The following EHBP1 variants were observed in gnomAD, a reference collection of about 807,000 sequenced individuals.
EHBP1 encodes EH domain-binding protein 1.
In EHBP1, 55 loss-of-function variants were observed where a neutral mutation model predicts 144.0. That is an observed-to-expected ratio of 0.38 (90% CI 0.31 to 0.48). EHBP1 has a LOEUF of 0.48. EHBP1 is among the 20% of genes least tolerant of loss of function. The probability of loss-of-function intolerance (pLI) is 0.98; values close to 1 mark genes in which losing one functional copy is unlikely to be tolerated. For synonymous variants in EHBP1, 469 were observed against 472.7 expected (o/e 0.99, Z 0.10); for missense variants, 1,200 against 1,364.2 (o/e 0.88, Z 1.90).
At chr2:62,989,552 TCTC>T (rs1220030339) in intron 15 of EHBP1, among the ~76,000 whole-genome samples, 1 of 152,132 alleles carries the variant, frequency 6.6e-6, no homozygotes, top group Non-Finnish European at 1.5e-5. Flanking sequence ...TTTTAAAAAC[TCTC>T]CTCCTACTTA....
intron 3 of EHBP1, among the ~76,000 whole-genome samples, chr2:62,757,038 T>G (rs2040351518): frequency 6.6e-6 from 1 of 152,200 alleles, no homozygotes; most frequent in South Asian, 2.1e-4. Flanking sequence ...ACCTTTCTGT[T>G]TTCTGATGCT....
At position 62,979,184 on chromosome 2, in the gene EHBP1, T is replaced by A. The variant is rs781170229; in HGVS notation, c.2461-4T>A. 2.5e-6 allele frequency: 4 copies of A among 1,611,664 alleles called. No homozygotes were observed. The South Asian group carries it at 3.3e-5, about 13-fold the overall frequency. On this transcript the variant is annotated splice_region_variant and splice_polypyrimidine_tract_variant and intron_variant, in intron 14 of 22. Transcript: ENST00000431489. Reference sequence around the variant, plus strand: ...TGAGTTGGCAACTGTTCAATATATCTTAGCAGCAAGATGAAGAGCGACGTC... The same window carrying A: ...TGAGTTGGCAACTGTTCAATATATCATAGCAGCAAGATGAAGAGCGACGTC...
chr2:62,840,843 T>G lies in EHBP1; in HGVS notation c.634+9685T>G, dbSNP rs375502058. On this transcript the variant is annotated intron_variant, in intron 7 of 22. Coordinates refer to ENST00000431489, the MANE Select transcript of EHBP1 (RefSeq NM_001142616.3). Reference sequence around the variant, plus strand: ...ATCATTAAAAAGTCAGGAAACAACATGTGCTGGAGAGGATGTGGAGAAATA... The same window carrying G: ...ATCATTAAAAAGTCAGGAAACAACAGGTGCTGGAGAGGATGTGGAGAAATA... Among the ~76,000 whole-genome samples, 1,139 of 151,768 alleles carry G rather than the reference T, an allele frequency of 7.5e-3. 9 individuals carry two copies. Among genetic ancestry groups the G allele is most frequent in the Middle Eastern group, 0.021 (6 of 292 alleles).
chr2:62,729,365 TATA>T (rs1446665724), intron 2 of EHBP1, among the ~76,000 whole-genome samples: 2 of 124,928 alleles, frequency 1.6e-5, no homozygotes, highest in African/African-American at 3.0e-5. Context: ...ATAAATATAA[TATA>T]ATATAATAAT....
Position 62,968,515 on chromosome 2 carries a change from A to C in EHBP1, c.2461-10673A>C, listed in dbSNP as rs1420017. On this transcript the variant is annotated intron_variant, in intron 14 of 22. Coordinates refer to ENST00000431489, the MANE Select transcript of EHBP1 (RefSeq NM_001142616.3). The stretch of plus-strand genomic sequence containing the variant: ...TTCTAGTGAAAAATATCACAATATA[A>C]AACAGTAATTTTTTTTAATATGATA... Among the ~76,000 whole-genome samples the C allele has an allele frequency of 2.6e-5, 4 of 152,278 alleles. No individual in the cohort carries two copies. The East Asian group carries it at 7.7e-4, about 29-fold the overall frequency.
chr2:62,847,074 T>G (rs560423006), intron 7 of EHBP1, among the ~76,000 whole-genome samples: 8 of 152,170 alleles, frequency 5.3e-5, no homozygotes, highest in Non-Finnish European at 1.0e-4. Context: ...ACATGAAAAT[T>G]TACTATAAAG....
At chr2:62,716,316 C>T (rs1167975734) in intron 2 of EHBP1, among the ~76,000 whole-genome samples, 1 of 152,198 alleles carries the variant, frequency 6.6e-6, no homozygotes, top group African/African-American at 2.4e-5. Flanking sequence ...CAACAGAATC[C>T]ATGACTCCCT....
chr2:62,746,390 A>G (rs9973920), intron 2 of EHBP1, among the ~76,000 whole-genome samples: 82 of 151,016 alleles, frequency 5.4e-4, no homozygotes, highest in Middle Eastern at 3.4e-3. Flanking sequence ...ATGTGTGTGT[A>G]TATATATATA....
At chr2:62,866,232 A>G (rs1573797581) in intron 9 of EHBP1, among the ~76,000 whole-genome samples, 1 of 152,250 alleles carries the variant, frequency 6.6e-6, no homozygotes, top group East Asian at 1.9e-4. Flanking sequence ...GCAAGGCTCA[A>G]AAGAATCAAA....
At chr2:63,032,387 T>C (rs1468123486) in intron 19 of EHBP1, among the ~76,000 whole-genome samples, 1 of 150,864 alleles carries the variant, frequency 6.6e-6, no homozygotes, top group Non-Finnish European at 1.5e-5. Context: ...GCTAACACGG[T>C]GAAACCCCGT....
intron 7 of EHBP1, among the ~76,000 whole-genome samples, chr2:62,853,649 A>T (rs1207136896): frequency 6.6e-6 from 1 of 152,222 alleles, no homozygotes; most frequent in Admixed American, 6.5e-5. Context: ...TTTTCAATTG[A>T]CTGCCCAGAT....
chr2:62,698,827 T>C (rs2034188192), intron 1 of EHBP1, among the ~76,000 whole-genome samples: 1 of 152,204 alleles, frequency 6.6e-6, no homozygotes, highest in African/African-American at 2.4e-5. Context: ...GCCCAGAAGA[T>C]TGCCCAAACT....
At chr2:62,693,308 G>T in intron 1 of EHBP1, among the ~76,000 whole-genome samples, 1 of 152,158 alleles carries the variant, frequency 6.6e-6, no homozygotes, top group African/African-American at 2.4e-5. Flanking sequence ...TGTGAATAGT[G>T]ATTCAATACA....
chr2:62,679,613 T>C (rs2033438127), intron 1 of EHBP1, among the ~76,000 whole-genome samples: 1 of 152,218 alleles, frequency 6.6e-6, no homozygotes, highest in African/African-American at 2.4e-5. Context: ...GAAAATTTCA[T>C]GCCTCTTTAC....
intron 1 of EHBP1, among the ~76,000 whole-genome samples, chr2:62,687,820 T>G (rs985435184): frequency 6.6e-6 from 1 of 152,188 alleles, no homozygotes; most frequent in Non-Finnish European, 1.5e-5. Context: ...TAGTGTGTCC[T>G]TATAAAGTAT....
At chr2:62,751,153 G>A (rs192583230) in intron 3 of EHBP1, among the ~76,000 whole-genome samples, 101 of 152,214 alleles carry the variant, frequency 6.6e-4, no homozygotes, top group Admixed American at 4.3e-3. Context: ...TTTGAGATAC[G>A]TCCCATCAAT....
Position 62,826,245 on chromosome 2 carries a change from T to C in EHBP1, c.471T>C (p.Ile157=). ...CTCTTCAGTTTTCATTATCTTGCATTTTTCTGAGGGAAGGAAAAGCCACGT... is the reference window on the plus strand; with the variant it reads ...CTCTTCAGTTTTCATTATCTTGCATCTTTCTGAGGGAAGGAAAAGCCACGT... ...SAALQFSLSC[I]FLREGKATDE... is the part of the protein sequence containing the mutation. Residue 157 remains isoleucine, a synonymous_variant, in exon 6 of 23, where the codon ATT becomes ATC. Transcript: ENST00000431489. 1.2e-6 allele frequency: 2 copies of C among 1,600,018 alleles called. No homozygotes were observed. The highest frequency in any genetic ancestry group is 1.7e-6 in the Non-Finnish European group (2 of 1,175,966).
At chr2:62,807,336 T>C (rs2044597016) in intron 5 of EHBP1, among the ~76,000 whole-genome samples, 1 of 152,096 alleles carries the variant, frequency 6.6e-6, no homozygotes, top group Non-Finnish European at 1.5e-5. Context: ...TCACCTGAGG[T>C]CGGGAGTTCA....
intron 19 of EHBP1, among the ~76,000 whole-genome samples, chr2:63,021,006 T>TTTTTG (rs2060719339): frequency 6.8e-6 from 1 of 146,856 alleles, no homozygotes; most frequent in Non-Finnish European, 1.5e-5. Context: ...TTTTTTTTTT[T>TTTTTG]GAGACAAGGT....
Sources: gnomAD v4.1 joint callset for allele counts (sites outside exome capture counted in the v4.1 genomes callset) on GRCh38, gnomAD v4.1.1 for gene constraint, MANE v1.5 for transcripts, NCBI Gene and HGNC (gene_info 2026-07-23, HGNC 2026-07-21) for gene names.